Variants in TBXAS1 observed in about 807,000 individuals in gnomAD.
TBXAS1 encodes the protein thromboxane-A synthase.
In TBXAS1, 48 loss-of-function variants were observed where a neutral mutation model predicts 60.7. The observed-to-expected ratio is 0.79, with a 90% CI of 0.63 to 1.01. The LOEUF (loss-of-function observed/expected upper bound fraction) is 1.01, where lower values mean the gene tolerates loss of function less well. Ranked by LOEUF, TBXAS1 falls within the 50% of genes least tolerant of loss-of-function variation. The probability of loss-of-function intolerance (pLI) is 0.00; values close to 1 mark genes in which losing one functional copy is unlikely to be tolerated. For missense variants in TBXAS1, 685 were observed against 686.3 expected, an observed-to-expected ratio of 1.00 and a Z score of 0.02; for synonymous variants, 287 against 269.7, an observed-to-expected ratio of 1.06 and a Z score of -0.63.
At chr7:139,965,887 A>AT (rs1810751566) in intron 9 of TBXAS1, among the ~76,000 whole-genome samples, 2 of 145,420 alleles carry the variant, frequency 1.4e-5, no homozygotes, top group African/African-American at 2.6e-5. Flanking sequence ...TTATTTTTTT[A>AT]ATTTTTTTTT....
At chr7:139,968,626 T>G (rs1344507589) in intron 9 of TBXAS1, among the ~76,000 whole-genome samples, 2 of 152,228 alleles carry the variant, frequency 1.3e-5, no homozygotes, top group Admixed American at 1.3e-4. Flanking sequence ...GCCCCCAGAC[T>G]GATTCTTTCT....
chr7:139,990,466 G>C (rs1170087902), intron 9 of TBXAS1, among the ~76,000 whole-genome samples: 1 of 152,132 alleles, frequency 6.6e-6, no homozygotes. Flanking sequence ...ACTTGGCCAC[G>C]CCCAGAGCCA....
chr7:139,844,264 C>G (rs568341150), intron 1 of TBXAS1, among the ~76,000 whole-genome samples: 19 of 152,306 alleles, frequency 1.2e-4, no homozygotes, highest in African/African-American at 4.6e-4. Flanking sequence ...CAGACACTTT[C>G]TCCTTCACTG....
intron 3 of TBXAS1, among the ~76,000 whole-genome samples, chr7:139,906,641 G>T (rs1411368660): frequency 3.3e-5 from 5 of 152,100 alleles, no homozygotes; most frequent in South Asian, 2.1e-4. Flanking sequence ...GAATAAGTTT[G>T]TCTACACCTA....
intron 4 of TBXAS1, among the ~76,000 whole-genome samples, chr7:139,812,785 G>A (rs547409651): frequency 6.6e-6 from 1 of 152,220 alleles, no homozygotes; most frequent in South Asian, 2.1e-4. Flanking sequence ...AGCCAAGCAC[G>A]GTGACTCACG....
chr7:139,875,522 T>C (rs1802159802), intron 2 of TBXAS1, 63 bp from the exon 3 acceptor site: 1 of 1,398,350 alleles, frequency 7.2e-7, no homozygotes, highest in Admixed American at 1.7e-5. Context: ...GTTTACTGAA[T>C]AAGTTTGAAT....
intron 1 of TBXAS1, among the ~76,000 whole-genome samples, chr7:139,838,310 T>C (rs12666200): frequency 6.6e-6 from 1 of 152,232 alleles, no homozygotes; most frequent in Non-Finnish European, 1.5e-5. Flanking sequence ...GCATTGCTTT[T>C]ATCCCATCTC....
intron 4 of TBXAS1, among the ~76,000 whole-genome samples, chr7:139,927,611 T>A (rs1399454633): frequency 6.6e-6 from 1 of 152,152 alleles, no homozygotes; most frequent in Non-Finnish European, 1.5e-5. Context: ...TTTTGAAGAA[T>A]TGACATCATG....
intron 9 of TBXAS1, among the ~76,000 whole-genome samples, chr7:140,000,232 G>T (rs2116335898): frequency 6.6e-6 from 1 of 152,312 alleles, no homozygotes; most frequent in South Asian, 2.1e-4. Context: ...AGGCAGAGTG[G>T]CTCATGCCTG....
At chr7:139,796,100 A>G (rs771406200) in intron 4 of TBXAS1, among the ~76,000 whole-genome samples, 3 of 152,204 alleles carry the variant, frequency 2.0e-5, no homozygotes, top group Non-Finnish European at 2.9e-5. Context: ...AGAACAAACC[A>G]TATACTTCAC....
chr7:139,995,593 C>T (rs1298508195), intron 9 of TBXAS1, among the ~76,000 whole-genome samples: 1 of 152,176 alleles, frequency 6.6e-6, no homozygotes, highest in Non-Finnish European at 1.5e-5. Flanking sequence ...TATCCCACAG[C>T]GACCTTTTCA....
chr7:139,825,053 T>A (rs1327915644), upstream of TBXAS1, among the ~76,000 whole-genome samples: 1 of 152,076 alleles, frequency 6.6e-6, no homozygotes, highest in Non-Finnish European at 1.5e-5. Flanking sequence ...GGTCTTGAAC[T>A]CCTAACCTCT....
intron 3 of TBXAS1, chr7:139,906,044 C>A: frequency 5.5e-6 from 2 of 362,322 alleles, no homozygotes; most frequent in South Asian, 4.1e-5. Flanking sequence ...TCATATTTTG[C>A]CTATGGATGC....
intron 1 of TBXAS1, among the ~76,000 whole-genome samples, chr7:139,839,182 G>A (rs1799263826): frequency 6.6e-6 from 1 of 152,104 alleles, no homozygotes; most frequent in Non-Finnish European, 1.5e-5. Flanking sequence ...ATGGGGTTGT[G>A]GGTGATTTCT....
Position 139,962,090 on chromosome 7 carries a change from A to T in TBXAS1, c.991A>T (p.Ile331Phe), listed in dbSNP as rs772760722. 1 of 1,614,132 alleles carries T rather than the reference A, an allele frequency of 6.2e-7. No individual in the cohort carries two copies. The highest frequency in any genetic ancestry group is 1.7e-5 in the Admixed American group (1 of 60,026). Residue 331 changes from isoleucine (I) to phenylalanine (F), a missense_variant, in exon 9 of 13, where the codon ATT becomes TTT. Transcript: ENST00000448866. The stretch of plus-strand genomic sequence containing the variant: ...GGCCAGGCCTTTGACTGTGGATGAG[A>T]TTGTGGGCCAGGCCTTCATCTTCCT... ...PMARPLTVDEIVGQAFIFLIA... is the reference protein window; with the variant it reads ...PMARPLTVDEFVGQAFIFLIA...
chr7:139,868,681 G>C (rs1354597214), intron 1 of TBXAS1, among the ~76,000 whole-genome samples: 1 of 142,258 alleles, frequency 7.0e-6, no homozygotes, highest in Non-Finnish European at 1.5e-5. Context: ...TTTTGAGACA[G>C]GGTCTTGCTT....
chr7:139,862,753 T>C (rs918827634), intron 1 of TBXAS1, among the ~76,000 whole-genome samples: 2 of 152,238 alleles, frequency 1.3e-5, no homozygotes, highest in Admixed American at 6.5e-5. Flanking sequence ...AGATTGGCTT[T>C]AGATAGGTAA....
upstream of TBXAS1, among the ~76,000 whole-genome samples, chr7:139,826,126 C>A (rs1221471456): frequency 6.6e-6 from 1 of 152,184 alleles, no homozygotes; most frequent in Non-Finnish European, 1.5e-5. Flanking sequence ...ACCCTCCATG[C>A]CACCCCCTCC....
chr7:139,997,734 T>G (rs973547304), intron 9 of TBXAS1, among the ~76,000 whole-genome samples: 9 of 152,192 alleles, frequency 5.9e-5, no homozygotes, highest in African/African-American at 2.2e-4. Flanking sequence ...TAGAAGAAAC[T>G]AGGATGTCAA....
Sources: gnomAD v4.1 joint callset for allele counts (sites outside exome capture counted in the v4.1 genomes callset) on GRCh38, gnomAD v4.1.1 for gene constraint, MANE v1.5 for transcripts, NCBI Gene and HGNC (gene_info 2026-07-23, HGNC 2026-07-21) for gene names.